Variants in CDIN1 observed in about 807,000 individuals in gnomAD.
The protein encoded by CDIN1 is CDAN1 interacting nuclease 1.
Under a neutral mutation model 45.3 loss-of-function variants are expected in CDIN1, and 33 were observed. That is an observed-to-expected ratio of 0.73 (90% CI 0.55 to 0.97). CDIN1 has a LOEUF of 0.97. Ranked by LOEUF, CDIN1 falls within the 50% of genes least tolerant of loss-of-function variation. The probability of loss-of-function intolerance (pLI) is 0.00; values close to 1 mark genes in which losing one functional copy is unlikely to be tolerated. For synonymous variants in CDIN1, 118 were observed against 124.4 expected (o/e 0.95, Z 0.34); for missense variants, 303 against 339.4 (o/e 0.89, Z 0.84).
chr15:36,806,321 T>C (rs1008175299), intron 10 of CDIN1, among the ~76,000 whole-genome samples: 4 of 152,208 alleles, frequency 2.6e-5, no homozygotes, highest in Non-Finnish European at 4.4e-5. Context: ...TCCTTTGGCT[T>C]ATGATTTAGC....
Position 36,617,942 on chromosome 15 carries a change from A to G in CDIN1, c.102-26336A>G, listed in dbSNP as rs549072184. On this transcript the variant is annotated intron_variant, in intron 1 of 10. Coordinates refer to ENST00000566621, the MANE Select transcript of CDIN1 (RefSeq NM_001321759.2). ...TTTTGCTAAGAATTGTTACTAATTA[A>G]TGGATTCTAGTATCTATAGTCAGCC... 172 of 764,792 alleles carry G rather than the reference A, an allele frequency of 2.2e-4. 1 individual carries two copies. Among genetic ancestry groups the G allele is most frequent in the South Asian group, 9.3e-4 (69 of 74,310 alleles). 47.4% of individuals were successfully genotyped at this position (764,792 alleles called of 1,614,324 possible). A position where few individuals can be genotyped will look rare whatever the true frequency, so the allele number is the denominator to read the frequency against.
chr15:36,649,800 T>C (rs2040499937), intron 3 of CDIN1, among the ~76,000 whole-genome samples: 2 of 152,242 alleles, frequency 1.3e-5, no homozygotes, highest in African/African-American at 2.4e-5. Flanking sequence ...TGTATAGACA[T>C]ACCTCTGTTA....
At chr15:36,614,262 C>A in intron 1 of CDIN1, 2 of 602,880 alleles carry the variant, frequency 3.3e-6, no homozygotes, top group East Asian at 3.5e-5. Flanking sequence ...CTAAGGCCAG[C>A]CTGCCCGAAG....
intron 1 of CDIN1, among the ~76,000 whole-genome samples, chr15:36,588,786 G>T (rs1246857577): frequency 1.3e-5 from 2 of 152,082 alleles, no homozygotes; most frequent in Non-Finnish European, 2.9e-5. Flanking sequence ...CTTTCTAAAA[G>T]AAGTGTTTAG....
intron 10 of CDIN1, among the ~76,000 whole-genome samples, chr15:36,790,542 C>T (rs1161130735): frequency 1.3e-5 from 2 of 152,276 alleles, no homozygotes; most frequent in Middle Eastern, 3.4e-3. Context: ...TTGTTCCCAA[C>T]ACATAGAAAG....
At chr15:36,702,798 T>C (rs1242348979) in intron 8 of CDIN1, among the ~76,000 whole-genome samples, 2 of 152,138 alleles carry the variant, frequency 1.3e-5, no homozygotes, top group African/African-American at 2.4e-5. Context: ...TTGGCTTTAT[T>C]CTTAGCTCAC....
chr15:36,740,819 G>T (rs2044208916), intron 10 of CDIN1, among the ~76,000 whole-genome samples: 2 of 151,824 alleles, frequency 1.3e-5, no homozygotes, highest in African/African-American at 4.8e-5. Context: ...AACCCAGGAG[G>T]CGGAGGTTAC....
At chr15:36,741,730 T>C (rs2044246482) in intron 10 of CDIN1, among the ~76,000 whole-genome samples, 2 of 151,448 alleles carry the variant, frequency 1.3e-5, no homozygotes. Flanking sequence ...ATCTTTCTTC[T>C]GTGATATCTG....
At chr15:36,618,934 C>A in intron 1 of CDIN1, 1 of 1,525,220 alleles carries the variant, frequency 6.6e-7, no homozygotes, top group Non-Finnish European at 9.0e-7. Context: ...TCTACAGGAA[C>A]CCTGAAAGTT....
At chr15:36,717,328 C>T (rs2043249610) in intron 10 of CDIN1, among the ~76,000 whole-genome samples, 1 of 152,158 alleles carries the variant, frequency 6.6e-6, no homozygotes, top group South Asian at 2.1e-4. Flanking sequence ...TTCCTAATCC[C>T]TTCAATTCTC....
intron 10 of CDIN1, among the ~76,000 whole-genome samples, chr15:36,793,585 A>ACC (rs2141095896): frequency 6.6e-6 from 1 of 152,330 alleles, no homozygotes; most frequent in East Asian, 1.9e-4. Context: ...GAAGAATAGA[A>ACC]CCAGAGTTCA....
chr15:36,721,629 T>G (rs2043420970), intron 10 of CDIN1, among the ~76,000 whole-genome samples: 1 of 152,184 alleles, frequency 6.6e-6, no homozygotes, highest in Middle Eastern at 3.2e-3. Flanking sequence ...ACTATTCCAC[T>G]TTTGTTTTTG....
At chr15:36,668,562 A>G (rs1407328005) in intron 5 of CDIN1, among the ~76,000 whole-genome samples, 1 of 152,174 alleles carries the variant, frequency 6.6e-6, no homozygotes, top group African/African-American at 2.4e-5. Flanking sequence ...AACAAAAGCA[A>G]TGAACGAGTG....
intron 10 of CDIN1, among the ~76,000 whole-genome samples, chr15:36,797,979 C>CAAAAAAAAAAAAAAAAAAAAAAAA (rs570630838): frequency 1.8e-5 from 1 of 55,266 alleles, no homozygotes; most frequent in African/African-American, 6.9e-5. Flanking sequence ...GACTCCATCT[C>CAAAAAAAAAAAAAAAAAAAAAAAA]AAAAAAAAAA....
chr15:36,589,886 G>C (rs139763050), intron 1 of CDIN1, among the ~76,000 whole-genome samples: 1 of 152,290 alleles, frequency 6.6e-6, no homozygotes, highest in Non-Finnish European at 1.5e-5. Context: ...AGCTAGAGTA[G>C]AACAATCTGT....
rs139700169 is a variant in CDIN1 at position 36,657,381 on chromosome 15, A to G, written c.274-452A>G. On this transcript the variant is annotated intron_variant, in intron 4 of 10. Transcript: ENST00000566621. ...CCTTATTTGGATTTGTCATATAAGG[A>G]CATTTGACTCTGTTTTTGAAAACTG... 7.3e-3 allele frequency among the ~76,000 whole-genome samples: 1,109 copies of G among 152,282 alleles called. 12 individuals are homozygous for G. The highest frequency in any genetic ancestry group is 0.025 in the African/African-American group (1,046 of 41,580).
At chr15:36,621,885 T>TTTTTTTTTA (rs2039212617) in intron 1 of CDIN1, among the ~76,000 whole-genome samples, 1 of 152,032 alleles carries the variant, frequency 6.6e-6, no homozygotes, top group African/African-American at 2.4e-5. Flanking sequence ...TTTTTTTTTT[T>TTTTTTTTTA]CCTCCAAGGG....
intron 1 of CDIN1, among the ~76,000 whole-genome samples, chr15:36,639,344 G>A (rs561149958): frequency 6.9e-6 from 1 of 145,248 alleles, no homozygotes; most frequent in South Asian, 2.2e-4. Flanking sequence ...GGTGGCTCAC[G>A]CCTGCAATCC....
intron 10 of CDIN1, among the ~76,000 whole-genome samples, chr15:36,789,835 G>C (rs998838932): frequency 3.3e-5 from 5 of 152,212 alleles, no homozygotes; most frequent in Non-Finnish European, 7.3e-5. Context: ...CTTCAAAATT[G>C]ACATGGGGCT....
Sources: allele counts gnomAD v4.1 joint callset (sites outside exome capture counted in the v4.1 genomes callset), GRCh38; gene constraint gnomAD v4.1.1; transcripts MANE v1.5; gene names NCBI Gene and HGNC (gene_info 2026-07-23, HGNC 2026-07-21).